DNAH17: variants seen among roughly 807,000 people sequenced by gnomAD.
DNAH17 encodes the protein dynein axonemal heavy chain 17, also known as axonemal beta dynein heavy chain 17.
In DNAH17, 376 loss-of-function variants were observed where a neutral mutation model predicts 485.6. The observed-to-expected ratio is 0.77, with a 90% CI of 0.71 to 0.84. DNAH17 has a LOEUF of 0.84. Ranked by LOEUF, DNAH17 falls within the 40% of genes least tolerant of loss-of-function variation. The pLI is 0.00. For missense variants in DNAH17, 6,370 were observed against 5,839.3 expected, an observed-to-expected ratio of 1.09 and a Z score of -2.96; for synonymous variants, 3,031 against 2,405.9, an observed-to-expected ratio of 1.26 and a Z score of -7.60.
intron 47 of DNAH17, 76 bp downstream of exon 47, chr17:78,485,474 A>G (rs746082051): frequency 1.7e-5 from 23 of 1,393,098 alleles, no homozygotes; most frequent in Non-Finnish European, 2.1e-5. Context: ...CTGGGCCTGC[A>G]GTGAGAGGGG....
chr17:78,463,384 C>T (rs1290721420), intron 56 of DNAH17, among the ~76,000 whole-genome samples: 2 of 152,248 alleles, frequency 1.3e-5, no homozygotes, highest in Admixed American at 6.5e-5. Context: ...ATTCACATAC[C>T]TGCATATATA....
In DNAH17 at chr17:78,449,522, C is replaced by T. The variant is rs545450072; in HGVS notation, c.11103G>A (p.Gln3701=). The T allele has an allele frequency of 1.3e-6, 2 of 1,598,516 alleles. No individual in the cohort carries two copies. Among genetic ancestry groups the T allele is most frequent in the African/African-American group, 1.3e-5 (1 of 74,764 alleles). ...QRTTPANEVK[Q]RVINLTDEIT... ...TCTCGTCCGTCAGGTTGATCACCCG[C>T]TGCTTCACCTCGTTGGCAGGGGTGG... Residue 3701 remains glutamine (Q), a synonymous_variant, in exon 69 of 81, where the codon CAG becomes CAA. Transcript: ENST00000389840.
At chr17:78,539,281 T>C (rs571223343) in intron 18 of DNAH17, among the ~76,000 whole-genome samples, 5 of 152,066 alleles carry the variant, frequency 3.3e-5, no homozygotes, top group South Asian at 4.1e-4. Context: ...AAAGGGGCCA[T>C]TGCCATGGAA....
rs552063920 is a variant in DNAH17, at chr17:78,445,535, G to T, written c.11334+23C>A. On this transcript the variant is annotated intron_variant, in intron 70 of 80. Coordinates refer to ENST00000389840, the MANE Select transcript of DNAH17 (RefSeq NM_173628.4). ...CTCCACGGCGGGGAGAAAGCACAACGTGTTCAACGTCTAAAGACGAACCTT... is the reference window on the plus strand; with the variant it reads ...CTCCACGGCGGGGAGAAAGCACAACTTGTTCAACGTCTAAAGACGAACCTT... 6 of 1,557,574 alleles carry T rather than the reference G, an allele frequency of 3.9e-6. No individual in the cohort carries two copies. The Admixed American group carries it at 7.7e-5, about 20-fold the overall frequency.
At chr17:78,485,522 AG>A (rs1407931563) in intron 47 of DNAH17, 27 bp downstream of exon 47, 2 of 1,542,066 alleles carry the variant, frequency 1.3e-6, no homozygotes, top group East Asian at 4.8e-5. Context: ...GCAGCCGGGT[AG>A]GCAGGGCGTG....
chr17:78,441,292 T>A, intron 71 of DNAH17, 93 bp from the exon 72 acceptor site: 1 of 1,423,266 alleles, frequency 7.0e-7, no homozygotes, highest in Non-Finnish European at 9.5e-7. Flanking sequence ...AGGGGGGCCA[T>A]TTTTTGGTGG....
Position 78,552,734 on chromosome 17 carries a change from T to G in DNAH17, c.2250A>C (p.Leu750Phe), listed in dbSNP as rs749715890. Residue 750 changes from leucine to phenylalanine, a missense_variant, in exon 15 of 81, where the codon TTA becomes TTC. Transcript: ENST00000389840. ...AGAATAATGTCGTTTCAGCGCTCAA[T>G]AACTTGACATCAATTGCTTCCAGTT... ...KSELEAIDVK[L>F]LSAETTLFWN... The G allele has an allele frequency of 6.2e-7, 1 of 1,613,954 alleles. No individual in the cohort carries two copies. Among genetic ancestry groups the G allele is most frequent in the Non-Finnish European group, 8.5e-7 (1 of 1,179,828 alleles).
chr17:78,482,412 T>C (rs1187440516), intron 48 of DNAH17, among the ~76,000 whole-genome samples: 1 of 152,254 alleles, frequency 6.6e-6, no homozygotes, highest in East Asian at 1.9e-4. Flanking sequence ...ATTTCAGATA[T>C]TAATCCACTG....
intron 22 of DNAH17, among the ~76,000 whole-genome samples, chr17:78,529,025 C>A (rs2091155318): frequency 6.6e-6 from 1 of 151,612 alleles, no homozygotes; most frequent in African/African-American, 2.4e-5. Flanking sequence ...CTCACTGCAA[C>A]ATCTGCCTCC....
At chr17:78,459,396 T>A (rs1293481045) in intron 60 of DNAH17, among the ~76,000 whole-genome samples, 188 bp from the exon 61 acceptor site, 2 of 152,160 alleles carry the variant, frequency 1.3e-5, no homozygotes, top group Non-Finnish European at 2.9e-5. Flanking sequence ...TACCCCACAG[T>A]GGCATTGCCC....
At chr17:78,504,749 G>A (rs2090430116) in intron 31 of DNAH17, among the ~76,000 whole-genome samples, 1 of 152,186 alleles carries the variant, frequency 6.6e-6, no homozygotes, top group Non-Finnish European at 1.5e-5. Context: ...GAAGGAAGAG[G>A]CTGTGGAGAC....
Position 78,476,587 on chromosome 17 carries a change from G to C in DNAH17, c.8139C>G (p.Thr2713=). 6.2e-7 allele frequency: 1 copy of C among 1,610,466 alleles called. No homozygotes were observed. Among genetic ancestry groups the C allele is most frequent in the South Asian group, 1.1e-5 (1 of 90,178 alleles). The change falls in exon 52 of 81, where the codon ACC becomes ACG. Residue 2713 remains threonine (T), a synonymous_variant. Coordinates refer to ENST00000389840, the MANE Select transcript of DNAH17 (RefSeq NM_173628.4). ...CTTGACTTACATCAAAGAACTTCTT[G>C]GTGGAGGCCATGGTGACTCTATGCA... The part of the protein sequence containing the change: ...ETLHRVTMAS[T]KKFFDDLGDE...
Position 78,461,700 on chromosome 17 carries a change from A to G in DNAH17, c.9183T>C (p.Asp3061=), listed in dbSNP as rs2088136121. 25 of 1,609,878 alleles carry G rather than the reference A, an allele frequency of 1.6e-5. No homozygotes were observed. The highest frequency in any genetic ancestry group is 2.1e-5 in the Non-Finnish European group (25 of 1,178,418). ...CCTGAATCGCCAACTTGGCTTTCAA[A>G]TCATCCACCTGGGGAAGGAGAAACC... ...KLQSTASQVD[D]LKAKLAIQEA... The change falls in exon 58 of 81, where the codon GAT becomes GAC. Residue 3061 remains aspartate, a synonymous_variant. Transcript: ENST00000389840.
intron 14 of DNAH17, 26 bp from the exon 15 acceptor site, chr17:78,552,831 G>C (rs1391003117): frequency 6.6e-7 from 1 of 1,514,976 alleles, no homozygotes; most frequent in South Asian, 1.1e-5. Context: ...GACAGGTTTT[G>C]TTCCGAGTCC....
At chr17:78,456,596 G>T (rs188499341) in intron 62 of DNAH17, among the ~76,000 whole-genome samples, 1 of 152,160 alleles carries the variant, frequency 6.6e-6, no homozygotes, top group Non-Finnish European at 1.5e-5. Flanking sequence ...TCCACGATGC[G>T]CCTCGTGCTT....
chr17:78,458,824 A>G (rs2087938474), intron 61 of DNAH17, 144 bp from the exon 62 acceptor site: 7 of 1,011,188 alleles, frequency 6.9e-6, no homozygotes, highest in Non-Finnish European at 9.0e-6. Flanking sequence ...CATGGAGGCT[A>G]AGGACACCAA....
intron 40 of DNAH17, 64 bp from the exon 41 acceptor site, chr17:78,494,237 G>T: frequency 6.4e-7 from 1 of 1,563,206 alleles, no homozygotes; most frequent in Admixed American, 1.8e-5. Flanking sequence ...CTCGCTGGGA[G>T]GCTGGGGGGC....
At chr17:78,495,758 C>G in intron 38 of DNAH17, 117 bp downstream of exon 38, 1 of 1,299,144 alleles carries the variant, frequency 7.7e-7, no homozygotes, top group Non-Finnish European at 1.0e-6. Flanking sequence ...CTTTTGATGA[C>G]TTCTTCCCTC....
Position 78,566,995 on chromosome 17 carries a change from C to T in DNAH17, c.1452+4G>A, listed in dbSNP as rs1360992526. 3 of 1,608,340 alleles carry T rather than the reference C, an allele frequency of 1.9e-6. No homozygotes were observed. Among genetic ancestry groups the T allele is most frequent in the Non-Finnish European group, 2.5e-6 (3 of 1,176,782 alleles). Reference sequence around the variant, plus strand: ...AGTTCATCCAACCCTGCCCGAGGACCTACCGAGTCTCCAGGGTCCAAGGGA... The same window carrying T: ...AGTTCATCCAACCCTGCCCGAGGACTTACCGAGTCTCCAGGGTCCAAGGGA... On this transcript the variant is annotated splice_donor_region_variant and intron_variant, in intron 10 of 80. Coordinates refer to ENST00000389840, the MANE Select transcript of DNAH17 (RefSeq NM_173628.4).
Sources: allele counts gnomAD v4.1 joint callset (sites outside exome capture counted in the v4.1 genomes callset), GRCh38; gene constraint gnomAD v4.1.1; transcripts MANE v1.5; gene names NCBI Gene and HGNC (gene_info 2026-07-23, HGNC 2026-07-21).